Variants in PARD3B observed in about 807,000 individuals in gnomAD.
The protein encoded by PARD3B is par-3 family cell polarity regulator beta.
A neutral mutation model predicts 130.2 loss-of-function variants in PARD3B; 103 were observed. The observed-to-expected ratio is 0.79, with a 90% CI of 0.67 to 0.93. The LOEUF (loss-of-function observed/expected upper bound fraction) is 0.93. Among genes scored for constraint, PARD3B ranks in the 40% least tolerant of loss-of-function variants. PARD3B has a pLI of 0.00. For missense variants in PARD3B, 1,609 were observed against 1,499.2 expected, an observed-to-expected ratio of 1.07 and a Z score of -1.21; for synonymous variants, 583 against 553.2, an observed-to-expected ratio of 1.05 and a Z score of -0.76.
chr2:205,310,145 C>T (rs952167771), intron 18 of PARD3B, among the ~76,000 whole-genome samples: 57 of 142,780 alleles, frequency 4.0e-4, no homozygotes, highest in African/African-American at 1.5e-3. Flanking sequence ...AGTGCAGTGG[C>T]GCGATCTTGG....
chr2:204,961,410 G>A (rs1025818421), intron 2 of PARD3B, among the ~76,000 whole-genome samples: 2 of 152,130 alleles, frequency 1.3e-5, no homozygotes. Flanking sequence ...GCTACAAGGT[G>A]TTTGGCCTGA....
At chr2:205,504,938 C>T (rs1389886195) in intron 21 of PARD3B, among the ~76,000 whole-genome samples, 9 of 152,214 alleles carry the variant, frequency 5.9e-5, no homozygotes, top group South Asian at 2.1e-4. Context: ...GACACATGCA[C>T]GCGTATGTTT....
rs1304559673 is a variant in PARD3B, at chr2:205,615,480, C to G, written c.3285C>G (p.Asp1095Glu). Residue 1095 changes from aspartate (D) to glutamate (E), a missense_variant, in exon 23 of 23, where the codon GAC (aspartate) becomes GAG (glutamate). By Grantham distance (45) the Asp-to-Glu change is conservative. Coordinates refer to ENST00000406610, the MANE Select transcript of PARD3B (RefSeq NM_001302769.2). ...LPRGGPADPVDYLPAAPRGLY... is the reference protein window; with the variant it reads ...LPRGGPADPVEYLPAAPRGLY... ...GGGGAGGACCCGCAGATCCTGTAGA[C>G]TATCTGCCAGCAGCACCTCGGGGGC... The G allele has an allele frequency of 6.2e-6, 10 of 1,609,912 alleles. No homozygotes were observed. Among genetic ancestry groups the G allele is most frequent in the Non-Finnish European group, 8.5e-6 (10 of 1,177,772 alleles).
At chr2:205,056,014 G>T (rs922433135) in intron 4 of PARD3B, among the ~76,000 whole-genome samples, 31 of 152,102 alleles carry the variant, frequency 2.0e-4, no homozygotes, top group Admixed American at 2.0e-3. Context: ...GGTATGGGTT[G>T]TGTCTTCCAT....
chr2:205,534,561 T>C (rs1161622519), intron 21 of PARD3B, among the ~76,000 whole-genome samples: 1 of 151,992 alleles, frequency 6.6e-6, no homozygotes, highest in African/African-American at 2.4e-5. Flanking sequence ...CTCCACCTCC[T>C]GGGTTCAAGC....
chr2:205,469,495 G>A (rs1380884672), intron 20 of PARD3B, among the ~76,000 whole-genome samples: 1 of 152,132 alleles, frequency 6.6e-6, no homozygotes, highest in African/African-American at 2.4e-5. Context: ...TTAGATGAAG[G>A]ACTTCTCCAG....
chr2:205,199,039 G>A (rs537652394), intron 15 of PARD3B, among the ~76,000 whole-genome samples: 1 of 151,996 alleles, frequency 6.6e-6, no homozygotes, highest in Non-Finnish European at 1.5e-5. Context: ...GTGTCTATTT[G>A]TATAATAGAC....
chr2:204,549,915 C>G (rs1426190451), intron 1 of PARD3B, among the ~76,000 whole-genome samples: 1 of 115,342 alleles, frequency 8.7e-6, no homozygotes, highest in African/African-American at 2.6e-5. Context: ...ACATTTCTGG[C>G]CTTTTCTCAT....
chr2:204,903,635 C>T (rs2046945175), intron 2 of PARD3B, among the ~76,000 whole-genome samples: 1 of 152,112 alleles, frequency 6.6e-6, no homozygotes. Context: ...AAAATTTCCT[C>T]ATTCTCTTTT....
intron 13 of PARD3B, among the ~76,000 whole-genome samples, chr2:205,184,231 C>G (rs1377329899): frequency 6.6e-6 from 1 of 152,032 alleles, no homozygotes; most frequent in East Asian, 1.9e-4. Flanking sequence ...TAAAATTAAC[C>G]ATCATATCCA....
intron 2 of PARD3B, among the ~76,000 whole-genome samples, chr2:204,824,958 A>G (rs2043512462): frequency 6.6e-6 from 1 of 152,158 alleles, no homozygotes; most frequent in Admixed American, 6.5e-5. Context: ...TGGTTGCTGC[A>G]TGGTGAAGCT....
At chr2:205,273,773 C>T (rs2040832741) in intron 16 of PARD3B, among the ~76,000 whole-genome samples, 1 of 152,194 alleles carries the variant, frequency 6.6e-6, no homozygotes, top group Non-Finnish European at 1.5e-5. Flanking sequence ...ATCATGCTGA[C>T]TCACAATGTA....
chr2:205,201,598 G>A (rs2036991703), intron 15 of PARD3B, among the ~76,000 whole-genome samples: 1 of 152,220 alleles, frequency 6.6e-6, no homozygotes, highest in African/African-American at 2.4e-5. Context: ...AGCCCTTTGG[G>A]GGGCCAAGGC....
At chr2:205,041,437 A>G (rs894603759) in intron 3 of PARD3B, among the ~76,000 whole-genome samples, 2 of 151,974 alleles carry the variant, frequency 1.3e-5, no homozygotes, top group Non-Finnish European at 2.9e-5. Flanking sequence ...GCTCCTTCTC[A>G]TTTGCTTTTT....
intron 21 of PARD3B, among the ~76,000 whole-genome samples, chr2:205,545,293 C>G (rs775926222): frequency 4.6e-5 from 7 of 152,146 alleles, no homozygotes; most frequent in Non-Finnish European, 8.8e-5. Context: ...TTAGAAGATG[C>G]TGAAAGCCAA....
At chr2:204,704,945 G>C (rs905561424) in intron 2 of PARD3B, among the ~76,000 whole-genome samples, 3 of 152,088 alleles carry the variant, frequency 2.0e-5, no homozygotes, top group Non-Finnish European at 4.4e-5. Flanking sequence ...CTGGAGCGAG[G>C]CATTATGTAG....
At chr2:204,714,768 C>T (rs2125307019) in intron 2 of PARD3B, among the ~76,000 whole-genome samples, 1 of 152,258 alleles carries the variant, frequency 6.6e-6, no homozygotes, top group East Asian at 1.9e-4. Context: ...AATTTACAAA[C>T]ACACCCAGAA....
chr2:205,398,490 C>T (rs1053318991), intron 18 of PARD3B, among the ~76,000 whole-genome samples: 4 of 152,080 alleles, frequency 2.6e-5, no homozygotes, highest in African/African-American at 9.7e-5. Flanking sequence ...AGTTGGTTCG[C>T]CAGAGTCCCA....
At chr2:205,456,824 T>C (rs1041025455) in intron 20 of PARD3B, among the ~76,000 whole-genome samples, 1 of 149,742 alleles carries the variant, frequency 6.7e-6, no homozygotes, top group Admixed American at 6.7e-5. Context: ...TATTTTTAAT[T>C]GTATTAAATA....
Sources: allele counts gnomAD v4.1 joint callset (sites outside exome capture counted in the v4.1 genomes callset), GRCh38; gene constraint gnomAD v4.1.1; transcripts MANE v1.5; gene names NCBI Gene and HGNC (gene_info 2026-07-23, HGNC 2026-07-21).